CYP19A1: variants seen among roughly 807,000 people sequenced by gnomAD.
CYP19A1 encodes aromatase.
A neutral mutation model predicts 44.4 loss-of-function variants in CYP19A1; 32 were observed. The observed-to-expected ratio is 0.72, with a 90% confidence interval of 0.54 to 0.97. CYP19A1 has a LOEUF of 0.97. CYP19A1 is among the 50% of genes least tolerant of loss of function. The pLI is 0.00. For synonymous variants in CYP19A1, 212 were observed against 215.6 expected, an observed-to-expected ratio of 0.98 and a Z score of 0.14; for missense variants, 598 against 637.8, an observed-to-expected ratio of 0.94 and a Z score of 0.67.
chr15:51,312,114 TG>T (rs1255799531), intron 1 of CYP19A1: 1 of 152,168 alleles, frequency 6.6e-6, no homozygotes, highest in Non-Finnish European at 1.5e-5. Flanking sequence ...GCAACCAGAA[TG>T]GAAGTCAGCT....
intron 1 of CYP19A1, chr15:51,315,708 C>G (rs1237251911): frequency 1.3e-5 from 2 of 152,218 alleles, no homozygotes; most frequent in African/African-American, 4.8e-5. Flanking sequence ...CCCTGGATCT[C>G]CCTTCAGTGC....
intron 1 of CYP19A1, among the ~76,000 whole-genome samples, chr15:51,306,018 T>C (rs1266145964): frequency 6.6e-6 from 1 of 151,894 alleles, no homozygotes; most frequent in Non-Finnish European, 1.5e-5. Flanking sequence ...CTGGCTGGAG[T>C]CATTCTGTCA....
At chr15:51,275,890 G>C (rs1352036876) in intron 1 of CYP19A1, among the ~76,000 whole-genome samples, 1 of 152,258 alleles carries the variant, frequency 6.6e-6, no homozygotes, top group East Asian at 1.9e-4. Flanking sequence ...AGGACTGCTT[G>C]ACAGTGTGCC....
At chr15:51,258,926 C>T (rs938806072) in intron 1 of CYP19A1, among the ~76,000 whole-genome samples, 2 of 152,260 alleles carry the variant, frequency 1.3e-5, no homozygotes, top group South Asian at 4.1e-4. Context: ...CCACTAATGA[C>T]ACATTCGACA....
At chr15:51,212,198 G>C in intron 9 of CYP19A1, 122 bp downstream of exon 9, 1 of 799,772 alleles carries the variant, frequency 1.3e-6, no homozygotes, top group Admixed American at 1.7e-5. Context: ...CTCCTGGTGA[G>C]GTGGCAGAGG....
Position 51,242,802 on chromosome 15 carries a change from C to G in CYP19A1, c.111G>C (p.Leu37Phe). Residue 37 changes from leucine (L) to phenylalanine (F), a missense_variant, in exon 2 of 10, where the codon TTG becomes TTC. Leu to Phe is a conservative substitution (Grantham distance 22). Coordinates refer to ENST00000396402, the MANE Select transcript of CYP19A1 (RefSeq NM_000103.4). ...AGGATGTGCCCTCATAATTCCACAC[C>G]AAGAGAAAAAGGCCAGTGAGGAGCA... ...PVLLLTGLFLLVWNYEGTSSI... is the reference protein window; with the variant it reads ...PVLLLTGLFLFVWNYEGTSSI... 1 of 1,585,778 alleles carries G rather than the reference C, an allele frequency of 6.3e-7. No individual in the cohort carries two copies. Among genetic ancestry groups the G allele is most frequent in the South Asian group, 1.1e-5 (1 of 90,474 alleles).
Position 51,236,995 on chromosome 15 carries a change from T to C in CYP19A1, c.160A>G (p.Met54Val), listed in dbSNP as rs781202365. The C allele has an allele frequency of 2.5e-6, 4 of 1,614,058 alleles. No individual in the cohort carries two copies. The highest frequency in any genetic ancestry group is 1.3e-5 in the African/African-American group (1 of 74,930). The change falls in exon 3 of 10, where the codon ATG becomes GTG. Residue 54 changes from methionine (M) to valine (V), a missense_variant. Coordinates refer to ENST00000396402, the MANE Select transcript of CYP19A1 (RefSeq NM_000103.4). ...TGGGAGATGAGGGGTCCAATTCCCATGCAGTAGCCAGGACCTAGGACAGGT... is the reference window on the plus strand; with the variant it reads ...TGGGAGATGAGGGGTCCAATTCCCACGCAGTAGCCAGGACCTAGGACAGGT... ...TSSIPGPGYC[M>V]GIGPLISHGR...
intron 1 of CYP19A1, chr15:51,277,964 T>TTG (rs1555395954): frequency 1.3e-5 from 2 of 149,466 alleles, no homozygotes; most frequent in African/African-American, 2.5e-5. Flanking sequence ...GTTTTTTTTT[T>TTG]TTTTTTTTTT....
chr15:51,256,913 G>T (rs2034537566), intron 1 of CYP19A1, among the ~76,000 whole-genome samples: 1 of 152,184 alleles, frequency 6.6e-6, no homozygotes, highest in Non-Finnish European at 1.5e-5. Flanking sequence ...GTCAGATGAT[G>T]GGTGGGCAGT....
chr15:51,325,929 A>C (rs2036601977), intron 1 of CYP19A1, among the ~76,000 whole-genome samples: 1 of 152,096 alleles, frequency 6.6e-6, no homozygotes, highest in Non-Finnish European at 1.5e-5. Flanking sequence ...AAATGTGCTC[A>C]GAACACTTAC....
chr15:51,333,982 T>C (rs918124325), intron 1 of CYP19A1, among the ~76,000 whole-genome samples: 1 of 152,216 alleles, frequency 6.6e-6, no homozygotes, highest in African/African-American at 2.4e-5. Flanking sequence ...ACATGGTTTT[T>C]AGGAAATCAT....
chr15:51,256,608 T>G (rs1002443899), intron 1 of CYP19A1, among the ~76,000 whole-genome samples: 1 of 152,220 alleles, frequency 6.6e-6, no homozygotes, highest in Non-Finnish European at 1.5e-5. Flanking sequence ...TACCATTTAA[T>G]AGACCTGTAA....
intron 8 of CYP19A1, among the ~76,000 whole-genome samples, chr15:51,213,429 G>A (rs1448084892): frequency 6.6e-6 from 1 of 152,156 alleles, no homozygotes; most frequent in Non-Finnish European, 1.5e-5. Context: ...ATACAACGAA[G>A]CCACTGAGGA....
At chr15:51,223,703 C>A (rs1230279603) in intron 4 of CYP19A1, among the ~76,000 whole-genome samples, 1 of 151,588 alleles carries the variant, frequency 6.6e-6, no homozygotes, top group Non-Finnish European at 1.5e-5. Context: ...GGCCTGAGGA[C>A]TGGTCCTAGA....
At chr15:51,240,964 C>A (rs952255243) in intron 2 of CYP19A1, among the ~76,000 whole-genome samples, 1 of 152,308 alleles carries the variant, frequency 6.6e-6, no homozygotes, top group East Asian at 1.9e-4. Flanking sequence ...GAGTTAGGCT[C>A]ATATTTGTGG....
intron 1 of CYP19A1, among the ~76,000 whole-genome samples, chr15:51,267,454 C>T (rs1311796840): frequency 6.6e-6 from 1 of 152,340 alleles, no homozygotes; most frequent in East Asian, 1.9e-4. Flanking sequence ...CACAGGGACG[C>T]TGGCGGGCCA....
At chr15:51,277,132 C>T (rs2140964239) in intron 1 of CYP19A1, 1 of 152,270 alleles carries the variant, frequency 6.6e-6, no homozygotes, top group South Asian at 2.1e-4. Flanking sequence ...ACTATTTCAA[C>T]TTGTCTTTAT....
At chr15:51,294,700 G>A (rs1224982781) in intron 1 of CYP19A1, among the ~76,000 whole-genome samples, 171 of 145,026 alleles carry the variant, frequency 1.2e-3, no homozygotes, top group Non-Finnish European at 2.0e-3. Flanking sequence ...CCCCCCGCCC[G>A]GCCAGCCGCC....
chr15:51,274,200 G>T (rs2035225954), intron 1 of CYP19A1, among the ~76,000 whole-genome samples: 1 of 152,196 alleles, frequency 6.6e-6, no homozygotes, highest in Non-Finnish European at 1.5e-5. Context: ...CTCAAGCAGG[G>T]TGAACATGTC....
Sources: gnomAD v4.1 joint callset for allele counts (sites outside exome capture counted in the v4.1 genomes callset) on GRCh38, gnomAD v4.1.1 for gene constraint, MANE v1.5 for transcripts, NCBI Gene and HGNC (gene_info 2026-07-23, HGNC 2026-07-21) for gene names.